Variants in LRP1B observed in about 807,000 individuals in gnomAD.
LRP1B encodes low-density lipoprotein receptor-related protein 1B.
In LRP1B, 217 loss-of-function variants were observed where a neutral mutation model predicts 556.6. That is an observed-to-expected ratio of 0.39 (90% CI 0.35 to 0.44). The LOEUF (loss-of-function observed/expected upper bound fraction) is 0.44, where lower values mean the gene tolerates loss of function less well. Among genes scored for constraint, LRP1B ranks in the 20% least tolerant of loss-of-function variants. The probability of loss-of-function intolerance (pLI) is 1.00; values close to 1 mark genes in which losing one functional copy is unlikely to be tolerated. For synonymous variants in LRP1B, 2,047 were observed against 1,865.8 expected (o/e 1.10, Z -2.50); for missense variants, 5,053 against 5,620.8 (o/e 0.90, Z 3.23).
chr2:140,820,127 A>G (rs1691272632), intron 31 of LRP1B, among the ~76,000 whole-genome samples: 1 of 151,682 alleles, frequency 6.6e-6, no homozygotes, highest in African/African-American at 2.4e-5. Context: ...AGCCTCCCAT[A>G]CCGCCCTGCT....
At chr2:141,395,671 T>C (rs139550615) in intron 3 of LRP1B, among the ~76,000 whole-genome samples, 28 of 152,140 alleles carry the variant, frequency 1.8e-4, no homozygotes, top group Middle Eastern at 3.4e-3. Context: ...TAAAACCCAA[T>C]TACAAATTTT....
intron 84 of LRP1B, among the ~76,000 whole-genome samples, chr2:140,283,497 G>A (rs1297948243): frequency 1.3e-5 from 2 of 151,676 alleles, no homozygotes; most frequent in African/African-American, 4.8e-5. Flanking sequence ...AAATAGTAAT[G>A]TATTCCAAAT....
intron 1 of LRP1B, among the ~76,000 whole-genome samples, chr2:142,038,461 T>C (rs540015557): frequency 3.3e-5 from 5 of 151,764 alleles, no homozygotes; most frequent in African/African-American, 1.2e-4. Flanking sequence ...AAGAACTGAC[T>C]GATTATACAA....
intron 31 of LRP1B, among the ~76,000 whole-genome samples, chr2:140,826,007 A>T (rs1691490455): frequency 6.6e-6 from 1 of 152,176 alleles, no homozygotes. Context: ...AAAAATCTGG[A>T]TGGTCCTGAT....
Position 141,336,660 on chromosome 2 carries a change from G to T in LRP1B, c.344-82019C>A, listed in dbSNP as rs76684224. Among the ~76,000 whole-genome samples, 76 of 152,204 alleles carry T rather than the reference G, an allele frequency of 5.0e-4. 1 individual carries two copies. In the East Asian group the frequency reaches 0.015, roughly 29 times the overall value. On this transcript the variant is annotated intron_variant, in intron 3 of 90. Coordinates refer to ENST00000389484, the MANE Select transcript of LRP1B (RefSeq NM_018557.3). ...TGTAACCATCATTATAATCAGGATA[G>T]AGAATAATTACATCACTCCAAAAAT...
rs557375850 is a variant in LRP1B at position 140,943,950 on chromosome 2, C to T, written c.3136+6285G>A. Among the ~76,000 whole-genome samples the T allele has an allele frequency of 1.9e-3, 282 of 151,692 alleles. 2 individuals are homozygous for T. The highest frequency in any genetic ancestry group is 3.3e-3 in the Non-Finnish European group (224 of 67,778). ...GCAGAACTAAAAGAAATTTAGACTC[C>T]CAAAATACCATACAAAGGATCAGTG... On this transcript the variant is annotated intron_variant, in intron 20 of 90. Transcript: ENST00000389484.
At chr2:141,946,266 A>G (rs918948354) in intron 1 of LRP1B, among the ~76,000 whole-genome samples, 3 of 152,078 alleles carry the variant, frequency 2.0e-5, no homozygotes, top group Non-Finnish European at 2.9e-5. Context: ...GCTCTTTTGC[A>G]TGACTAATAT....
At chr2:140,512,087 A>G (rs1007891515) in intron 51 of LRP1B, among the ~76,000 whole-genome samples, 29 of 152,220 alleles carry the variant, frequency 1.9e-4, no homozygotes, top group African/African-American at 7.0e-4. Flanking sequence ...TATCACTTTA[A>G]TTTGTTCTCA....
At chr2:141,641,802 A>T (rs1048889037) in intron 2 of LRP1B, among the ~76,000 whole-genome samples, 1 of 152,166 alleles carries the variant, frequency 6.6e-6, no homozygotes, top group African/African-American at 2.4e-5. Flanking sequence ...GGGACTCATG[A>T]TTAATAACAT....
At chr2:140,369,144 A>C (rs1682880455) in intron 71 of LRP1B, among the ~76,000 whole-genome samples, 1 of 151,898 alleles carries the variant, frequency 6.6e-6, no homozygotes, top group Non-Finnish European at 1.5e-5. Flanking sequence ...TAAGTCTGGG[A>C]GGATAAAATG....
At chr2:140,825,418 T>C (rs1291937769) in intron 31 of LRP1B, among the ~76,000 whole-genome samples, 2 of 151,862 alleles carry the variant, frequency 1.3e-5, no homozygotes, top group African/African-American at 2.4e-5. Context: ...TGGCACATTA[T>C]AGGAAGTCCT....
intron 62 of LRP1B, among the ~76,000 whole-genome samples, chr2:140,455,151 A>G (rs145762055): frequency 2.5e-3 from 377 of 152,314 alleles, no homozygotes; most frequent in African/African-American, 8.3e-3. Context: ...GAATAATTCA[A>G]TTGCTAATTT....
intron 3 of LRP1B, among the ~76,000 whole-genome samples, chr2:141,376,116 T>A (rs926774055): frequency 6.6e-6 from 1 of 152,104 alleles, no homozygotes; most frequent in East Asian, 1.9e-4. Context: ...GCAGCCGCCA[T>A]GTCTGTAGAT....
chr2:141,554,338 T>G (rs963503195), intron 2 of LRP1B, among the ~76,000 whole-genome samples: 3 of 148,404 alleles, frequency 2.0e-5, no homozygotes, highest in Non-Finnish European at 3.0e-5. Context: ...ATAGATTATA[T>G]GTATCTATAG....
chr2:142,028,684 G>A (rs988679335), intron 1 of LRP1B, among the ~76,000 whole-genome samples: 1 of 151,896 alleles, frequency 6.6e-6, no homozygotes, highest in African/African-American at 2.4e-5. Context: ...TTAGGTAAAT[G>A]CCTAGAAGTC....
chr2:141,209,317 C>T (rs1472702859), intron 6 of LRP1B, among the ~76,000 whole-genome samples: 10 of 152,094 alleles, frequency 6.6e-5, no homozygotes, highest in Admixed American at 2.6e-4. Context: ...TCATAAAGGG[C>T]TTTCTCCCCT....
chr2:140,815,300 G>T (rs1301788930), intron 31 of LRP1B, among the ~76,000 whole-genome samples: 1 of 150,296 alleles, frequency 6.7e-6, no homozygotes, highest in Non-Finnish European at 1.5e-5. Flanking sequence ...TATCTCTATG[G>T]ATTAGACCCT....
In LRP1B at chr2:141,332,039, C is replaced by T. The variant is rs149404059; in HGVS notation, c.344-77398G>A. The stretch of plus-strand genomic sequence containing the variant: ...AAGCTACTCAGATCTACTTGTTCCA[C>T]TTCTATATGCTTTTAGCATTTTGCC... On this transcript the variant is annotated intron_variant, in intron 3 of 90. Coordinates refer to ENST00000389484, the MANE Select transcript of LRP1B (RefSeq NM_018557.3). Among the ~76,000 whole-genome samples, 575 of 152,190 alleles carry T rather than the reference C, an allele frequency of 3.8e-3. 4 individuals carry two copies. The highest frequency in any genetic ancestry group is 0.013 in the African/African-American group (546 of 41,534).
intron 7 of LRP1B, among the ~76,000 whole-genome samples, chr2:141,148,982 G>C (rs12477175): frequency 3.3e-5 from 5 of 151,884 alleles, no homozygotes; most frequent in Middle Eastern, 3.4e-3. Flanking sequence ...CCAGCTACTC[G>C]GGAGGCTGAG....
Sources: gnomAD v4.1 joint callset for allele counts (sites outside exome capture counted in the v4.1 genomes callset) on GRCh38, gnomAD v4.1.1 for gene constraint, MANE v1.5 for transcripts, NCBI Gene and HGNC (gene_info 2026-07-23, HGNC 2026-07-21) for gene names.